Variants in LATS2 observed in about 807,000 individuals in gnomAD.
LATS2 encodes the protein large tumor suppressor kinase 2, also known as serine/threonine-protein kinase LATS2.
Under a neutral mutation model 76.0 loss-of-function variants are expected in LATS2, and 24 were observed. The ratio of observed to expected loss-of-function variants is 0.32; its 90% CI spans 0.23 to 0.44. The LOEUF (loss-of-function observed/expected upper bound fraction) is 0.44. LATS2 is among the 20% of genes least tolerant of loss of function. LATS2 has a pLI of 1.00. For synonymous variants in LATS2, 692 were observed against 635.4 expected (o/e 1.09, Z -1.34); for missense variants, 1,286 against 1,481.2 (o/e 0.87, Z 2.16).
rs879930902 is a variant in LATS2 at position 20,985,777 on chromosome 13, G to A, written c.1900-1971C>T. Reference sequence around the variant, plus strand: ...TAAATAAAATAAGGCCAGGCGCGGTGGCTCACACCTGTAATCCCAGCACCC... The same window carrying A: ...TAAATAAAATAAGGCCAGGCGCGGTAGCTCACACCTGTAATCCCAGCACCC... On this transcript the variant is annotated intron_variant, in intron 4 of 7. Coordinates refer to ENST00000382592, the MANE Select transcript of LATS2 (RefSeq NM_014572.3). 1.1e-4 allele frequency among the ~76,000 whole-genome samples: 17 copies of A among 151,564 alleles called. No individual in the cohort carries two copies. In the East Asian group the frequency reaches 2.9e-3, roughly 26 times the overall value.
chr13:21,034,261 G>T (rs1019064393), intron 2 of LATS2, among the ~76,000 whole-genome samples: 4 of 152,184 alleles, frequency 2.6e-5, no homozygotes, highest in Admixed American at 2.0e-4. Context: ...CACAGCCAAG[G>T]TGACACATGG....
chr13:20,993,466 G>C (rs976013003), intron 2 of LATS2, among the ~76,000 whole-genome samples: 1 of 152,168 alleles, frequency 6.6e-6, no homozygotes, highest in African/African-American at 2.4e-5. Context: ...ATGCAGGCGT[G>C]GGCATGGCAA....
At chr13:21,005,562 T>C (rs1286938945) in intron 2 of LATS2, 1 of 152,262 alleles carries the variant, frequency 6.6e-6, no homozygotes, top group Non-Finnish European at 1.5e-5. Context: ...GACAAAGCCC[T>C]GTCTGCTGGA....
chr13:21,046,805 T>C (rs1040632610), intron 1 of LATS2, among the ~76,000 whole-genome samples: 1 of 152,248 alleles, frequency 6.6e-6, no homozygotes. Context: ...AATGTTTCAA[T>C]TGCAGTTTCC....
chr13:20,983,874 A>C (rs1870023993), intron 4 of LATS2, 68 bp from the exon 5 acceptor site: 1 of 1,290,138 alleles, frequency 7.8e-7, no homozygotes, highest in Non-Finnish European at 1.1e-6. Context: ...AATGACTGGG[A>C]TGGGGATGCC....
At chr13:21,007,287 T>C (rs139357071) in intron 2 of LATS2, among the ~76,000 whole-genome samples, 2,156 of 151,590 alleles carry the variant, frequency 0.014, 69 homozygotes, top group African/African-American at 0.05. Context: ...AAAACTTGGC[T>C]GTTACCCTAC....
intron 2 of LATS2, among the ~76,000 whole-genome samples, chr13:21,027,886 T>G (rs1390558545): frequency 6.6e-6 from 1 of 152,186 alleles, no homozygotes; most frequent in Non-Finnish European, 1.5e-5. Flanking sequence ...AGTCTTCTGA[T>G]CTGTGAACAT....
Position 20,992,774 on chromosome 13 carries a change from C to T in LATS2, c.343-1370G>A, listed in dbSNP as rs113653788. On this transcript the variant is annotated intron_variant, in intron 2 of 7. Transcript: ENST00000382592. ...GGAGATGGCTGGGCGTGGTGGCTCA[C>T]GCCTGTAATCCCAGCACTTTGGGAG... 9.2e-3 allele frequency among the ~76,000 whole-genome samples: 1,399 copies of T among 152,176 alleles called. 14 individuals carry two copies. Among genetic ancestry groups the T allele is most frequent in the African/African-American group, 0.031 (1,303 of 41,508 alleles).
chr13:20,974,774 C>T lies in LATS2; in HGVS notation c.*96G>A. ...AAGTAATCGACGGACTAATTTAAAA[C>T]AAAACAGCCCTCGGCTTCCCTATTG... On this transcript the variant is annotated 3_prime_UTR_variant, in exon 8 of 8. Coordinates refer to ENST00000382592, the MANE Select transcript of LATS2 (RefSeq NM_014572.3). The T allele has an allele frequency of 1.5e-6, 2 of 1,359,086 alleles. No individual in the cohort carries two copies. The highest frequency in any genetic ancestry group is 2.0e-6 in the Non-Finnish European group (2 of 1,000,568). 84.2% of individuals were successfully genotyped at this position (1,359,086 alleles called of 1,614,324 possible).
At chr13:21,049,205 T>C (rs1218383307) in intron 1 of LATS2, among the ~76,000 whole-genome samples, 1 of 152,116 alleles carries the variant, frequency 6.6e-6, no homozygotes, top group Non-Finnish European at 1.5e-5. Flanking sequence ...GATGAAACCA[T>C]GGAGGTATCC....
chr13:21,043,339 A>C (rs1872952980), intron 2 of LATS2, among the ~76,000 whole-genome samples: 1 of 151,578 alleles, frequency 6.6e-6, no homozygotes. Flanking sequence ...ACCGTCTAAA[A>C]AAAAAAAAGA....
chr13:20,987,738 G>T, intron 4 of LATS2, 143 bp downstream of exon 4: 2 of 891,312 alleles, frequency 2.2e-6, no homozygotes, highest in Non-Finnish European at 3.4e-6. Context: ...CCAAGTTGTT[G>T]GCCCCAGAAC....
chr13:20,993,638 G>C (rs989817999), intron 2 of LATS2, among the ~76,000 whole-genome samples: 1 of 152,068 alleles, frequency 6.6e-6, no homozygotes, highest in Non-Finnish European at 1.5e-5. Context: ...TTAAAGTGGC[G>C]CCTGGACTAC....
chr13:20,985,196 T>C (rs573125492), intron 4 of LATS2, among the ~76,000 whole-genome samples: 20 of 152,246 alleles, frequency 1.3e-4, no homozygotes, highest in African/African-American at 4.1e-4. Context: ...CTCCAGGACA[T>C]TGGTTTGAGC....
intron 2 of LATS2, among the ~76,000 whole-genome samples, chr13:21,017,625 C>CTTTTT (rs11304766): frequency 1.4e-5 from 2 of 142,230 alleles, no homozygotes; most frequent in Non-Finnish European, 1.6e-5. Context: ...TCATTTCTTT[C>CTTTTT]TTTTTTTTTT....
At chr13:21,002,170 C>G (rs1250043653) in intron 2 of LATS2, among the ~76,000 whole-genome samples, 1 of 151,854 alleles carries the variant, frequency 6.6e-6, no homozygotes, top group African/African-American at 2.4e-5. Flanking sequence ...ACCTTGGCCT[C>G]CTAAAGTGCT....
intron 2 of LATS2, among the ~76,000 whole-genome samples, chr13:21,031,576 G>A (rs189048695): frequency 6.6e-6 from 1 of 152,176 alleles, no homozygotes; most frequent in Non-Finnish European, 1.5e-5. Flanking sequence ...CTGGGGCTGG[G>A]TGTGGTGGCT....
Position 20,973,200 on chromosome 13 carries a change from GAA to G in LATS2, c.*1668_*1669del. ...ACATGGCACGACTATAAAATAGCGAGAATACTGACAGTCACGACGACAGGCAC... is the reference window on the plus strand; with the variant it reads ...ACATGGCACGACTATAAAATAGCGAGTACTGACAGTCACGACGACAGGCAC... On this transcript the variant is annotated 3_prime_UTR_variant, in exon 8 of 8. Coordinates refer to ENST00000382592, the MANE Select transcript of LATS2 (RefSeq NM_014572.3). The G allele has an allele frequency of 4.3e-6, 1 of 232,686 alleles. No individual in the cohort carries two copies. The allele number at this position is 232,686 out of a possible 1,614,324, so 14.4% of individuals were successfully genotyped here. A position where few individuals can be genotyped will look rare whatever the true frequency, so the allele number is the denominator to read the frequency against.
At chr13:21,029,753 T>A (rs1387856283) in intron 2 of LATS2, among the ~76,000 whole-genome samples, 1 of 152,016 alleles carries the variant, frequency 6.6e-6, no homozygotes, top group South Asian at 2.1e-4. Context: ...ATTGCACCAC[T>A]GCACTGTGGC....
Sources: allele counts gnomAD v4.1 joint callset (sites outside exome capture counted in the v4.1 genomes callset), GRCh38; gene constraint gnomAD v4.1.1; transcripts MANE v1.5; gene names NCBI Gene and HGNC (gene_info 2026-07-23, HGNC 2026-07-21).